The following ENTHD1 variants were observed in gnomAD, a reference collection of about 807,000 sequenced individuals.
ENTHD1 encodes ENTH domain containing 1.
Under a neutral mutation model 39.1 loss-of-function variants are expected in ENTHD1, and 23 were observed. The ratio of observed to expected loss-of-function variants is 0.59; its 90% CI spans 0.42 to 0.83. The LOEUF (loss-of-function observed/expected upper bound fraction) is 0.83, where lower values mean the gene tolerates loss of function less well. Ranked by LOEUF, ENTHD1 falls within the 40% of genes least tolerant of loss-of-function variation. ENTHD1 has a pLI of 0.00. For synonymous variants in ENTHD1, 230 were observed against 258.2 expected (o/e 0.89, Z 1.05); for missense variants, 624 against 705.4 (o/e 0.88, Z 1.31).
At chr22:39,819,429 C>A (rs1052371096) in intron 5 of ENTHD1, among the ~76,000 whole-genome samples, 2 of 150,412 alleles carry the variant, frequency 1.3e-5, no homozygotes, top group African/African-American at 4.9e-5. Context: ...AAAGAGCTAT[C>A]AAGCCGTGAA....
intron 4 of ENTHD1, among the ~76,000 whole-genome samples, chr22:39,834,036 G>A (rs1278587881): frequency 4.0e-5 from 6 of 150,790 alleles, no homozygotes; most frequent in Admixed American, 2.0e-4. Context: ...AGACCTAAAC[G>A]TAAAACATGA....
intron 6 of ENTHD1, among the ~76,000 whole-genome samples, chr22:39,762,256 G>T (rs745462252): frequency 3.9e-5 from 6 of 152,044 alleles, no homozygotes; most frequent in South Asian, 2.1e-4. Flanking sequence ...AATGAGGTTT[G>T]CCCCTTCTCA....
At chr22:39,762,145 G>T (rs1376171801) in intron 6 of ENTHD1, among the ~76,000 whole-genome samples, 1 of 152,118 alleles carries the variant, frequency 6.6e-6, no homozygotes, top group Non-Finnish European at 1.5e-5. Context: ...AGTTCTTTTG[G>T]CTTCCAGTAG....
At chr22:39,874,797 A>G (rs1306551258) in intron 2 of ENTHD1, among the ~76,000 whole-genome samples, 1 of 152,256 alleles carries the variant, frequency 6.6e-6, no homozygotes, top group Non-Finnish European at 1.5e-5. Context: ...AGGGAAATGC[A>G]AATTAAAACC....
intron 2 of ENTHD1, among the ~76,000 whole-genome samples, chr22:39,883,143 G>A (rs897461315): frequency 4.6e-5 from 7 of 150,810 alleles, no homozygotes; most frequent in Admixed American, 2.0e-4. Context: ...TCAATCAATT[G>A]CTAATGTACC....
intron 5 of ENTHD1, among the ~76,000 whole-genome samples, chr22:39,814,295 C>CAAAAAAAAAAAAAAAAAAAAAAAA (rs77915572): frequency 2.0e-5 from 2 of 97,720 alleles, no homozygotes; most frequent in Non-Finnish European, 2.2e-5. Flanking sequence ...CCCATCTCTA[C>CAAAAAAAAAAAAAAAAAAAAAAAA]AAAAAAAAAA....
chr22:39,770,371 T>C (rs765308777), intron 5 of ENTHD1, among the ~76,000 whole-genome samples: 14 of 152,106 alleles, frequency 9.2e-5, no homozygotes, highest in Non-Finnish European at 2.1e-4. Flanking sequence ...ACTCCATCGG[T>C]GGAGAAGATA....
intron 3 of ENTHD1, 56 bp from the exon 4 acceptor site, chr22:39,836,014 A>AAT: frequency 7.6e-7 from 1 of 1,311,176 alleles, no homozygotes; most frequent in Non-Finnish European, 1.1e-6. Context: ...TTATGTTTTT[A>AAT]TATTAGTTCC....
At chr22:39,791,971 A>C (rs1207687454) in intron 5 of ENTHD1, among the ~76,000 whole-genome samples, 1 of 151,912 alleles carries the variant, frequency 6.6e-6, no homozygotes, top group East Asian at 1.9e-4. Flanking sequence ...CCCACTTATA[A>C]GTGAGAATAT....
chr22:39,887,399 C>T lies in ENTHD1; in HGVS notation c.349+1G>A. On this transcript the variant is annotated splice_donor_variant, in intron 2 of 6. Coordinates refer to ENST00000325157, the MANE Select transcript of ENTHD1 (RefSeq NM_152512.4). LOFTEE classifies it high-confidence loss of function. ...CTTATATAAACTTCTTTAACCATTA[C>T]CTTGGTCTTTTCCAGCTTCATCTAT... The T allele has an allele frequency of 1.9e-6, 3 of 1,600,742 alleles. No individual in the cohort carries two copies. The highest frequency in any genetic ancestry group is 4.5e-5 in the East Asian group (2 of 44,830).
At chr22:39,748,484 C>T (rs986088788) in intron 6 of ENTHD1, among the ~76,000 whole-genome samples, 2 of 151,276 alleles carry the variant, frequency 1.3e-5, no homozygotes, top group South Asian at 4.2e-4. Flanking sequence ...TGCAGTGGCG[C>T]GATCTTGGCT....
chr22:39,756,543 G>C (rs1193895966), intron 6 of ENTHD1, among the ~76,000 whole-genome samples: 6 of 152,028 alleles, frequency 3.9e-5, no homozygotes, highest in Non-Finnish European at 8.8e-5. Flanking sequence ...ATGTTGACCA[G>C]GCTGGTCTTG....
At chr22:39,766,307 T>C (rs2064627256) in intron 5 of ENTHD1, among the ~76,000 whole-genome samples, 1 of 152,154 alleles carries the variant, frequency 6.6e-6, no homozygotes, top group Non-Finnish European at 1.5e-5. Context: ...GTCCCTAGAA[T>C]ATAACAAACA....
chr22:39,889,436 C>G (rs1288429727), intron 1 of ENTHD1, among the ~76,000 whole-genome samples: 1 of 152,204 alleles, frequency 6.6e-6, no homozygotes. Context: ...TGCAATTTCT[C>G]TAGTGATTCA....
chr22:39,867,642 C>T lies in ENTHD1; in HGVS notation c.350-5635G>A, dbSNP rs142773386. Among the ~76,000 whole-genome samples the T allele has an allele frequency of 2.2e-3, 331 of 152,140 alleles. 3 individuals are homozygous for T. Among genetic ancestry groups the T allele is most frequent in the East Asian group, 8.3e-3 (43 of 5,170 alleles). ...CCTTCCAATCTACCCTCCACAATGC[C>T]TTCAGGTAACGCGGTGGGGGTAGAA... On this transcript the variant is annotated intron_variant, in intron 2 of 6. Coordinates refer to ENST00000325157, the MANE Select transcript of ENTHD1 (RefSeq NM_152512.4). This position sits in a 1 kb window ranked among gnomAD's most constrained non-coding sequence, Gnocchi z 4.5.
chr22:39,798,718 G>C (rs1166814500), intron 5 of ENTHD1, among the ~76,000 whole-genome samples: 1 of 152,168 alleles, frequency 6.6e-6, no homozygotes, highest in Non-Finnish European at 1.5e-5. Flanking sequence ...CTATTCTTGG[G>C]CTTCCACGTG....
At chr22:39,884,016 A>G (rs1322187591) in intron 2 of ENTHD1, among the ~76,000 whole-genome samples, 1 of 152,050 alleles carries the variant, frequency 6.6e-6, no homozygotes, top group Non-Finnish European at 1.5e-5. Flanking sequence ...TACCCTGAAA[A>G]CTACACAGCA....
intron 3 of ENTHD1, among the ~76,000 whole-genome samples, chr22:39,855,846 G>C (rs1165535829): frequency 6.6e-6 from 1 of 152,146 alleles, no homozygotes; most frequent in African/African-American, 2.4e-5. Flanking sequence ...TTTCAGAAGA[G>C]AGAAATAAAT....
At chr22:39,875,427 A>G in intron 2 of ENTHD1, 3 of 1,504,462 alleles carry the variant, frequency 2.0e-6, no homozygotes, top group Non-Finnish European at 2.6e-6. Flanking sequence ...TTGGACCTGA[A>G]GCGGCCCTTC....
Sources: gnomAD v4.1 joint callset for allele counts (sites outside exome capture counted in the v4.1 genomes callset) on GRCh38, gnomAD v4.1.1 for gene constraint, Gnocchi (gnomAD v3.1) non-coding constraint, MANE v1.5 for transcripts, NCBI Gene and HGNC (gene_info 2026-07-23, HGNC 2026-07-21) for gene names.